ICA1: variants seen among roughly 807,000 people sequenced by gnomAD.
ICA1 encodes the protein 69 kDa islet cell autoantigen.
In ICA1, 40 loss-of-function variants were observed where a neutral mutation model predicts 71.0. The observed-to-expected ratio is 0.56, with a 90% confidence interval of 0.44 to 0.73. ICA1 has a LOEUF of 0.73. Ranked by LOEUF, ICA1 falls within the 30% of genes least tolerant of loss-of-function variation. The probability of loss-of-function intolerance (pLI) is 0.00; values close to 1 mark genes in which losing one functional copy is unlikely to be tolerated. For missense variants in ICA1, 578 were observed against 576.5 expected (o/e 1.00, Z -0.03); for synonymous variants, 207 against 209.5 (o/e 0.99, Z 0.10).
intron 6 of ICA1, among the ~76,000 whole-genome samples, chr7:8,205,528 T>C (rs1469781801): frequency 6.6e-6 from 1 of 152,236 alleles, no homozygotes; most frequent in Non-Finnish European, 1.5e-5. Flanking sequence ...TGTGTTTCCA[T>C]TTCTTTTTAA....
chr7:8,126,123 C>T (rs1266889987), intron 13 of ICA1, among the ~76,000 whole-genome samples: 1 of 152,226 alleles, frequency 6.6e-6, no homozygotes, highest in Non-Finnish European at 1.5e-5. Context: ...CTTACAATGA[C>T]TGACACTCAG....
At chr7:8,161,022 T>C (rs1803575791) in intron 6 of ICA1, among the ~76,000 whole-genome samples, 1 of 152,160 alleles carries the variant, frequency 6.6e-6, no homozygotes, top group Admixed American at 6.5e-5. Flanking sequence ...TCAGCTGGGG[T>C]CCTGAAAGGC....
intron 4 of ICA1, among the ~76,000 whole-genome samples, 188 bp downstream of exon 4, chr7:8,228,413 T>C (rs1303876905): frequency 6.6e-6 from 1 of 152,232 alleles, no homozygotes; most frequent in Non-Finnish European, 1.5e-5. Flanking sequence ...TCTCCTAATA[T>C]GATACTTGCT....
Position 8,222,330 on chromosome 7 carries a change from C to T in ICA1, c.257-932G>A, listed in dbSNP as rs552157012. Among the ~76,000 whole-genome samples, 1 of 152,282 alleles carries T rather than the reference C, an allele frequency of 6.6e-6. No homozygotes were observed. Among genetic ancestry groups the T allele is most frequent in the South Asian group, 2.1e-4 (1 of 4,812 alleles). Reference sequence around the variant, plus strand: ...CCAAGCCACAGGCACCAGAGTGACACTTAGCTTCCTCGGATGTGCTTTCCC... The same window carrying T: ...CCAAGCCACAGGCACCAGAGTGACATTTAGCTTCCTCGGATGTGCTTTCCC... On this transcript the variant is annotated intron_variant, in intron 4 of 13. Transcript: ENST00000402384. The surrounding 1 kb of genome is among the most constrained non-coding windows in gnomAD (Gnocchi z 4.8).
At chr7:8,146,575 T>C (rs971935724) in intron 8 of ICA1, among the ~76,000 whole-genome samples, 1 of 151,958 alleles carries the variant, frequency 6.6e-6, no homozygotes, top group African/African-American at 2.4e-5. Context: ...CAATACACGA[T>C]CCTTGGCTGC....
At chr7:8,153,774 A>C (rs1366532173) in intron 8 of ICA1, among the ~76,000 whole-genome samples, 1 of 151,100 alleles carries the variant, frequency 6.6e-6, no homozygotes, top group Non-Finnish European at 1.5e-5. Context: ...TACCACGTGA[A>C]AGATAGTCCC....
At chr7:8,240,183 C>T (rs949110652) in intron 1 of ICA1, among the ~76,000 whole-genome samples, 1 of 148,460 alleles carries the variant, frequency 6.7e-6, no homozygotes, top group Admixed American at 6.7e-5. Flanking sequence ...CCCTCTGGGA[C>T]GAAGCTTCCA....
intron 6 of ICA1, among the ~76,000 whole-genome samples, chr7:8,177,424 G>GC (rs1275226428): frequency 1.3e-5 from 2 of 152,138 alleles, no homozygotes; most frequent in African/African-American, 4.8e-5. Flanking sequence ...ATTAGTGGAA[G>GC]CATTAGGTCA....
intron 6 of ICA1, among the ~76,000 whole-genome samples, chr7:8,199,660 G>C (rs1464788865): frequency 1.3e-5 from 2 of 152,222 alleles, no homozygotes; most frequent in Non-Finnish European, 2.9e-5. Context: ...GTTGCAGTGA[G>C]CCAAGATCAT....
intron 2 of ICA1, among the ~76,000 whole-genome samples, chr7:8,233,381 G>A (rs1460870468): frequency 6.8e-6 from 1 of 147,198 alleles, no homozygotes; most frequent in Non-Finnish European, 1.5e-5. Flanking sequence ...GTGACATGGT[G>A]CTTATTCTTG....
chr7:8,153,838 T>TATATATATATATATATATATAC (rs757944432), intron 8 of ICA1, among the ~76,000 whole-genome samples: 4 of 144,044 alleles, frequency 2.8e-5, no homozygotes, highest in African/African-American at 1.0e-4. Context: ...TCATGCAGAA[T>TATATATATATATATATATATAC]ATATATATAT....
At chr7:8,196,342 G>C (rs1423713276) in intron 6 of ICA1, among the ~76,000 whole-genome samples, 1 of 152,318 alleles carries the variant, frequency 6.6e-6, no homozygotes. Context: ...GTGCTTGCCA[G>C]GCGCTCAGGG....
Position 8,144,136 on chromosome 7 carries a change from T to G in ICA1, c.805-164A>C, listed in dbSNP as rs902138848. ...GGGAGGTGACCTTGAACCAATCAGCTGGAAGAAATAAAATTTTATATGGTG... is the reference window on the plus strand; with the variant it reads ...GGGAGGTGACCTTGAACCAATCAGCGGGAAGAAATAAAATTTTATATGGTG... On this transcript the variant is annotated intron_variant, in intron 8 of 13. Coordinates refer to ENST00000402384, the MANE Select transcript of ICA1 (RefSeq NM_001136020.3). This position sits in a 1 kb window ranked among gnomAD's most constrained non-coding sequence, Gnocchi z 4.5. Among the ~76,000 whole-genome samples the G allele has an allele frequency of 2.0e-5, 3 of 152,208 alleles. No homozygotes were observed. The highest frequency in any genetic ancestry group is 4.4e-5 in the Non-Finnish European group (3 of 68,032).
intron 7 of ICA1, 82 bp downstream of exon 7, chr7:8,158,445 T>G (rs1802513186): frequency 1.3e-6 from 2 of 1,553,136 alleles, no homozygotes; most frequent in African/African-American, 2.7e-5. Context: ...GGCCAAAGCT[T>G]ACTTTTAGCT....
chr7:8,137,391 A>G (rs1793777723), intron 12 of ICA1, among the ~76,000 whole-genome samples: 1 of 152,238 alleles, frequency 6.6e-6, no homozygotes, highest in African/African-American at 2.4e-5. Context: ...GAAGGATTAT[A>G]AATACATTTG....
chr7:8,157,134 A>G lies in ICA1; in HGVS notation c.786T>C (p.Tyr262=). 6.2e-7 allele frequency: 1 copy of G among 1,614,140 alleles called. No homozygotes were observed. The highest frequency in any genetic ancestry group is 1.1e-5 in the South Asian group (1 of 91,080). The change falls in exon 8 of 14, where the codon TAT becomes TAC. Residue 262 remains tyrosine, a synonymous_variant. Coordinates refer to ENST00000402384, the MANE Select transcript of ICA1 (RefSeq NM_001136020.3). ...TCCATACCTTTAAAGTAGTAAATTC[A>G]TATGGTTGATAACCTTTGAAACTCT... ...IHESFKGYQP[Y]EFTTLKSLQD...
At chr7:8,174,187 T>A (rs182032128) in intron 6 of ICA1, among the ~76,000 whole-genome samples, 172 of 152,252 alleles carry the variant, frequency 1.1e-3, no homozygotes, top group African/African-American at 3.9e-3. Context: ...CTAGGAAATG[T>A]GGTCAGTCTC....
At chr7:8,253,230 AT>A (rs1189526182) in intron 1 of ICA1, among the ~76,000 whole-genome samples, 1 of 152,222 alleles carries the variant, frequency 6.6e-6, no homozygotes, top group African/African-American at 2.4e-5. Context: ...AATCTCTGAC[AT>A]TCTGTCAGAG....
chr7:8,141,738 C>G, intron 10 of ICA1, 27 bp downstream of exon 10: 3 of 1,406,002 alleles, frequency 2.1e-6, no homozygotes, highest in Non-Finnish European at 3.0e-6. Flanking sequence ...ATTTCAGAAG[C>G]AATTCTAAAT....
Sources: allele counts gnomAD v4.1 joint callset (sites outside exome capture counted in the v4.1 genomes callset), GRCh38; gene constraint gnomAD v4.1.1; non-coding constraint Gnocchi (gnomAD v3.1); transcripts MANE v1.5; gene names NCBI Gene and HGNC (gene_info 2026-07-23, HGNC 2026-07-21).